The following RAI1 variants were observed in gnomAD, a reference collection of about 807,000 sequenced individuals.
RAI1 encodes retinoic acid-induced protein 1.
A neutral mutation model predicts 123.8 loss-of-function variants in RAI1; 9 were observed. That is an observed-to-expected ratio of 0.07 (90% CI 0.04 to 0.13). The LOEUF (loss-of-function observed/expected upper bound fraction) is 0.13, where lower values mean the gene tolerates loss of function less well. Ranked by LOEUF, RAI1 falls within the 10% of genes least tolerant of loss-of-function variation. The pLI, the probability that RAI1 is intolerant of heterozygous loss-of-function variation, is 1.00. For synonymous variants in RAI1, 1,231 were observed against 1,127.3 expected (o/e 1.09, Z -1.84); for missense variants, 2,256 against 2,545.8 (o/e 0.89, Z 2.45).
At chr17:17,792,862 C>T in intron 2 of RAI1, 71 bp from the exon 3 acceptor site, 1 of 1,175,558 alleles carries the variant, frequency 8.5e-7, no homozygotes, top group Admixed American at 2.0e-5. Flanking sequence ...ATCGCTCATC[C>T]TCTGCCCCCT....
chr17:17,750,592 G>A (rs7208757), intron 2 of RAI1, among the ~76,000 whole-genome samples: 110,631 of 151,056 alleles, frequency 0.73, 41,351 homozygotes, highest in African/African-American at 0.86. Flanking sequence ...ATGGTGGTGC[G>A]TGCCTGTAAT....
intron 1 of RAI1, among the ~76,000 whole-genome samples, chr17:17,715,596 T>TC (rs1200755694): frequency 1.3e-5 from 2 of 151,980 alleles, no homozygotes; most frequent in Non-Finnish European, 2.9e-5. Context: ...TGCCTCTGCC[T>TC]CCCCCGGCCC....
At chr17:17,738,033 T>C (rs1916494602) in intron 2 of RAI1, among the ~76,000 whole-genome samples, 1 of 151,944 alleles carries the variant, frequency 6.6e-6, no homozygotes, top group Non-Finnish European at 1.5e-5. Flanking sequence ...TGGCTTCACA[T>C]GCTGGTGGGT....
chr17:17,784,052 T>C (rs1208613383), intron 2 of RAI1, among the ~76,000 whole-genome samples: 1 of 152,278 alleles, frequency 6.6e-6, no homozygotes, highest in Non-Finnish European at 1.5e-5. Context: ...AATAAAATTA[T>C]ACCAAGCAGT....
At chr17:17,721,623 G>A (rs1255154517) in intron 1 of RAI1, among the ~76,000 whole-genome samples, 1 of 152,204 alleles carries the variant, frequency 6.6e-6, no homozygotes, top group Non-Finnish European at 1.5e-5. Flanking sequence ...CAGAAACTGA[G>A]GAGGGGAGGG....
chr17:17,781,230 C>T (rs1567899825), intron 2 of RAI1, among the ~76,000 whole-genome samples: 1 of 152,244 alleles, frequency 6.6e-6, no homozygotes, highest in Non-Finnish European at 1.5e-5. Context: ...CCACCACTTC[C>T]TCCAACCTTC....
chr17:17,741,091 GCACACACA>G (rs773544376), intron 2 of RAI1, among the ~76,000 whole-genome samples: 1 of 119,890 alleles, frequency 8.3e-6, no homozygotes, highest in South Asian at 2.4e-4. Flanking sequence ...AAGCGCGCGC[GCACACACA>G]CACACACACA....
At position 17,810,061 on chromosome 17, in the gene RAI1, C is replaced by T. The variant is rs2032699449; in HGVS notation, c.*80C>T. On this transcript the variant is annotated 3_prime_UTR_variant, in exon 6 of 6. Coordinates refer to ENST00000353383, the MANE Select transcript of RAI1 (RefSeq NM_030665.4). This position sits in a 1 kb window ranked among gnomAD's most constrained non-coding sequence, Gnocchi z 4.6. ...CGAAGGAGAGGAGCCGCCTGCGCAG[C>T]CCCCGGGCCTTTGAGCTGCTCCCAG... The T allele has an allele frequency of 2.0e-6, 3 of 1,523,882 alleles. No homozygotes were observed. The highest frequency in any genetic ancestry group is 1.4e-5 in the African/African-American group (1 of 71,934). The allele number at this position is 1,523,882 out of a possible 1,614,324, so 94.4% of individuals were successfully genotyped here.
rs771760855 is a variant in RAI1, at chr17:17,724,406, C to CTTTTTT, written c.-17+261_-17+266dup. ...TCAGAAGAAGGAATTTCTTTCTTTCCTTTTTTTTTTTTTTTTTTTGGCCGC... is the reference window on the plus strand; with the variant it reads ...TCAGAAGAAGGAATTTCTTTCTTTCCTTTTTTTTTTTTTTTTTTTTTTTTTGGCCGC... On this transcript the variant is annotated intron_variant, in intron 2 of 5. Coordinates refer to ENST00000353383, the MANE Select transcript of RAI1 (RefSeq NM_030665.4). 7.7e-5 allele frequency among the ~76,000 whole-genome samples: 8 copies of CTTTTTT among 103,756 alleles called. 2 individuals carry two copies. The highest frequency in any genetic ancestry group is 1.0e-4 in the Admixed American group (1 of 9,764). 68.1% of individuals were successfully genotyped at this position (103,756 alleles called of 152,430 possible). A position where few individuals can be genotyped will look rare whatever the true frequency, so the allele number is the denominator to read the frequency against.
At chr17:17,774,520 C>T (rs1281027187) in intron 2 of RAI1, among the ~76,000 whole-genome samples, 3 of 152,260 alleles carry the variant, frequency 2.0e-5, no homozygotes, top group Non-Finnish European at 4.4e-5. Flanking sequence ...AGCCGGACCC[C>T]GCTCTGGCCA....
intron 2 of RAI1, among the ~76,000 whole-genome samples, chr17:17,771,260 T>TTCCATCCA (rs553683617): frequency 6.6e-6 from 1 of 152,170 alleles, no homozygotes; most frequent in Non-Finnish European, 1.5e-5. Context: ...GGGGTTAGAA[T>TTCCATCCA]TCCATCCATC....
chr17:17,713,236 C>T (rs1280471129), intron 1 of RAI1, among the ~76,000 whole-genome samples: 2 of 152,080 alleles, frequency 1.3e-5, no homozygotes, highest in Non-Finnish European at 2.9e-5. Context: ...AGGAGCTGGG[C>T]GTGATGGTGC....
intron 2 of RAI1, among the ~76,000 whole-genome samples, chr17:17,785,849 T>C (rs2031809268): frequency 6.6e-6 from 1 of 152,222 alleles, no homozygotes; most frequent in African/African-American, 2.4e-5. Context: ...ATCGAGCCCA[T>C]GCAGATCCCC....
chr17:17,723,558 A>G (rs1313244659), intron 1 of RAI1, among the ~76,000 whole-genome samples: 1 of 120,336 alleles, frequency 8.3e-6, no homozygotes, highest in East Asian at 2.6e-4. Flanking sequence ...CCCCGTCCCT[A>G]AGCGCGTCGG....
Position 17,809,620 on chromosome 17 carries a change from C to T in RAI1, c.5709+181C>T, listed in dbSNP as rs536353141. 2.0e-5 allele frequency among the ~76,000 whole-genome samples: 3 copies of T among 152,228 alleles called. No individual in the cohort carries two copies. The highest frequency in any genetic ancestry group is 4.4e-5 in the Non-Finnish European group (3 of 67,988). ...CCCCGCCGCCGTCCAGCTCAGGTCC[C>T]TGTCCACTTGCGCGCCGCCGCCGCC... On this transcript the variant is annotated intron_variant, in intron 5 of 5. Coordinates refer to ENST00000353383, the MANE Select transcript of RAI1 (RefSeq NM_030665.4). The surrounding 1 kb of genome is among the most constrained non-coding windows in gnomAD (Gnocchi z 4.9).
chr17:17,771,191 A>T (rs1262037611), intron 2 of RAI1, among the ~76,000 whole-genome samples: 1 of 152,206 alleles, frequency 6.6e-6, no homozygotes, highest in Non-Finnish European at 1.5e-5. Flanking sequence ...CCATGTTTTT[A>T]AAAGCCTTAG....
chr17:17,746,011 A>T (rs556139277), intron 2 of RAI1, among the ~76,000 whole-genome samples: 1 of 152,326 alleles, frequency 6.6e-6, no homozygotes, highest in East Asian at 1.9e-4. Context: ...TGGAGTTGGC[A>T]TGCATTGGGA....
At chr17:17,770,137 A>G (rs1172180216) in intron 2 of RAI1, among the ~76,000 whole-genome samples, 1 of 151,936 alleles carries the variant, frequency 6.6e-6, no homozygotes, top group Non-Finnish European at 1.5e-5. Flanking sequence ...GCCTGGGACC[A>G]GAAGTCTCCA....
chr17:17,757,816 G>A (rs140425512), intron 2 of RAI1, among the ~76,000 whole-genome samples: 221 of 152,356 alleles, frequency 1.5e-3, no homozygotes, highest in African/African-American at 5.2e-3. Context: ...AACCCCAGGC[G>A]CCGGGGCGGG....
Sources: gnomAD v4.1 joint callset for allele counts (sites outside exome capture counted in the v4.1 genomes callset) on GRCh38, gnomAD v4.1.1 for gene constraint, Gnocchi (gnomAD v3.1) non-coding constraint, MANE v1.5 for transcripts, NCBI Gene and HGNC (gene_info 2026-07-23, HGNC 2026-07-21) for gene names.